Variants in MYO1B observed in about 807,000 individuals in gnomAD.
The protein encoded by MYO1B is myosin IB.
MYO1B carries 72 observed loss-of-function variants against 159.7 expected under a neutral mutation model. The observed-to-expected ratio is 0.45, with a 90% CI of 0.37 to 0.55. The LOEUF (loss-of-function observed/expected upper bound fraction) is 0.55. MYO1B is among the 20% of genes least tolerant of loss of function. The pLI is 0.00. For synonymous variants in MYO1B, 468 were observed against 473.8 expected (o/e 0.99, Z 0.16); for missense variants, 1,062 against 1,364.8 (o/e 0.78, Z 3.50).
chr2:191,262,449 A>G (rs1021462175), intron 1 of MYO1B, among the ~76,000 whole-genome samples: 2 of 152,144 alleles, frequency 1.3e-5, no homozygotes, highest in African/African-American at 2.4e-5. Flanking sequence ...ATTGTGCTCA[A>G]AATCATTTTG....
chr2:191,318,392 T>G (rs1359859744), intron 3 of MYO1B, among the ~76,000 whole-genome samples: 1 of 152,224 alleles, frequency 6.6e-6, no homozygotes, highest in African/African-American at 2.4e-5. Context: ...GAAATCAGTC[T>G]GAGTATATAG....
At chr2:191,382,446 T>G (rs965699979) in intron 14 of MYO1B, among the ~76,000 whole-genome samples, 5 of 152,210 alleles carry the variant, frequency 3.3e-5, no homozygotes, top group African/African-American at 1.2e-4. Flanking sequence ...CAGAAATGTT[T>G]TATACTTGTC....
At chr2:191,273,415 G>A (rs572972818) in intron 1 of MYO1B, among the ~76,000 whole-genome samples, 35 of 152,240 alleles carry the variant, frequency 2.3e-4, no homozygotes, top group African/African-American at 6.7e-4. Flanking sequence ...GAGCCACCGC[G>A]CCTGGCCAAT....
intron 15 of MYO1B, among the ~76,000 whole-genome samples, chr2:191,384,159 A>C (rs779377986): frequency 1.4e-4 from 21 of 152,226 alleles, no homozygotes; most frequent in Non-Finnish European, 1.6e-4. Context: ...CATATTCCGT[A>C]GTTTATTGTA....
intron 3 of MYO1B, among the ~76,000 whole-genome samples, chr2:191,306,237 G>A (rs1158758166): frequency 1.3e-5 from 2 of 152,234 alleles, no homozygotes; most frequent in South Asian, 4.2e-4. Flanking sequence ...CATCGTCTAG[G>A]GGTAAGAGGG....
intron 3 of MYO1B, among the ~76,000 whole-genome samples, chr2:191,312,140 T>G (rs1277780959): frequency 6.6e-6 from 1 of 152,232 alleles, no homozygotes; most frequent in Non-Finnish European, 1.5e-5. Flanking sequence ...TGATCTTTAA[T>G]AGGACTCTTA....
At chr2:191,421,682 G>T (rs1697952816) in intron 30 of MYO1B, among the ~76,000 whole-genome samples, 1 of 152,136 alleles carries the variant, frequency 6.6e-6, no homozygotes, top group Admixed American at 6.5e-5. Flanking sequence ...TGCCATGTTG[G>T]CCAGGCTGGT....
chr2:191,411,301 A>G, intron 27 of MYO1B, 129 bp downstream of exon 27: 1 of 575,634 alleles, frequency 1.7e-6, no homozygotes, highest in South Asian at 2.8e-5. Flanking sequence ...GAATCATTTT[A>G]TAATCAGCTT....
intron 3 of MYO1B, among the ~76,000 whole-genome samples, chr2:191,299,311 A>G (rs1214336616): frequency 6.6e-6 from 1 of 152,204 alleles, no homozygotes; most frequent in Non-Finnish European, 1.5e-5. Context: ...ACTTTTTACC[A>G]TGGCCTACAA....
At chr2:191,335,714 G>C (rs776372720) in intron 4 of MYO1B, among the ~76,000 whole-genome samples, 11 of 152,122 alleles carry the variant, frequency 7.2e-5, no homozygotes, top group Non-Finnish European at 1.2e-4. Context: ...TTCAATAAAA[G>C]TCTTTACTTA....
chr2:191,327,966 C>G (rs1234270402), intron 3 of MYO1B, among the ~76,000 whole-genome samples: 2 of 152,146 alleles, frequency 1.3e-5, no homozygotes, highest in African/African-American at 2.4e-5. Context: ...CCTTGAGGAT[C>G]TCACAGTAGT....
chr2:191,283,579 G>T (rs34100174), intron 2 of MYO1B, among the ~76,000 whole-genome samples: 1 of 151,978 alleles, frequency 6.6e-6, no homozygotes, highest in Non-Finnish European at 1.5e-5. Context: ...TTTCACTAGA[G>T]TCCTATGTAC....
chr2:191,252,523 C>T (rs1458247700), intron 1 of MYO1B, among the ~76,000 whole-genome samples: 1 of 152,180 alleles, frequency 6.6e-6, no homozygotes, highest in African/African-American at 2.4e-5. Context: ...ACAATTCACA[C>T]TTTAAAGATA....
intron 20 of MYO1B, 103 bp downstream of exon 20, chr2:191,393,325 A>G (rs1695875479): frequency 2.3e-6 from 3 of 1,305,264 alleles, no homozygotes; most frequent in Admixed American, 2.2e-5. Context: ...AATTCTCCCA[A>G]CAACCTCATG....
intron 7 of MYO1B, among the ~76,000 whole-genome samples, chr2:191,356,858 C>T (rs116423881): frequency 1.3e-5 from 2 of 152,146 alleles, no homozygotes; most frequent in Non-Finnish European, 2.9e-5. Flanking sequence ...GGCATAAATT[C>T]ATTGAAAGAA....
At chr2:191,392,021 A>G (rs950424080) in intron 18 of MYO1B, 87 bp from the exon 19 acceptor site, 5 of 864,890 alleles carry the variant, frequency 5.8e-6, no homozygotes, top group Non-Finnish European at 1.8e-6. Flanking sequence ...GCTATGTTTT[A>G]TACCACTGAG....
At chr2:191,274,778 A>G (rs1687649395) in intron 1 of MYO1B, among the ~76,000 whole-genome samples, 1 of 152,084 alleles carries the variant, frequency 6.6e-6, no homozygotes, top group Non-Finnish European at 1.5e-5. Context: ...CTGCATTTCC[A>G]TAGCATGGCA....
rs553928534 is a variant in MYO1B at position 191,341,643 on chromosome 2, C to T, written c.451+78C>T. 69 of 1,120,144 alleles carry T rather than the reference C, an allele frequency of 6.2e-5. No homozygotes were observed. In the African/African-American group the frequency reaches 9.7e-4, roughly 16 times the overall value. 69.4% of individuals were successfully genotyped at this position (1,120,144 alleles called of 1,614,324 possible). A position where few individuals can be genotyped will look rare whatever the true frequency, so the allele number is the denominator to read the frequency against. ...TATGTGGGTGCTTTGAGTACCTGGT[C>T]TGCTGGGAGGTATTCTGGGAGGGAA... On this transcript the variant is annotated intron_variant, in intron 5 of 30. Coordinates refer to ENST00000392318, the MANE Select transcript of MYO1B (RefSeq NM_001130158.3).
intron 9 of MYO1B, 35 bp downstream of exon 9, chr2:191,362,406 C>A: frequency 1.4e-6 from 2 of 1,477,788 alleles, no homozygotes; most frequent in South Asian, 1.2e-5. Flanking sequence ...CTTTAAATTG[C>A]ATACCACTGC....
Sources: allele counts gnomAD v4.1 joint callset (sites outside exome capture counted in the v4.1 genomes callset), GRCh38; gene constraint gnomAD v4.1.1; transcripts MANE v1.5; gene names NCBI Gene and HGNC (gene_info 2026-07-23, HGNC 2026-07-21).